Variants in NOS3 observed in about 807,000 individuals in gnomAD.
The protein encoded by NOS3 is nitric oxide synthase 3.
Under a neutral mutation model 144.9 loss-of-function variants are expected in NOS3, and 98 were observed. The observed-to-expected ratio is 0.68, with a 90% CI of 0.57 to 0.80. The LOEUF (loss-of-function observed/expected upper bound fraction) is 0.80. Among genes scored for constraint, NOS3 ranks in the 30% least tolerant of loss-of-function variants. The pLI is 0.00. For missense variants in NOS3, 1,465 were observed against 1,656.4 expected (o/e 0.88, Z 2.01); for synonymous variants, 714 against 702.4 (o/e 1.02, Z -0.26).
chr7:151,006,636 C>T, intron 15 of NOS3, 142 bp downstream of exon 15: 1 of 763,378 alleles, frequency 1.3e-6, no homozygotes, highest in Non-Finnish European at 2.2e-6. Context: ...CCCTCCATTC[C>T]AGGCTGCAAT....
At position 151,001,690 on chromosome 7, in the gene NOS3, A is replaced by C. The variant is rs567038837; in HGVS notation, c.1502+73A>C. 2.1e-3 allele frequency: 3,302 copies of C among 1,570,892 alleles called. 35 individuals are homozygous for C. Among genetic ancestry groups the C allele is most frequent in the Middle Eastern group, 0.013 (74 of 5,902 alleles). On this transcript the variant is annotated intron_variant, in intron 12 of 26. Transcript: ENST00000297494. ...CACTCTCCCCCACACACCCTGGGGGACCCTGCCCCAGCAGTGTTCTGGGCC... is the reference window on the plus strand; with the variant it reads ...CACTCTCCCCCACACACCCTGGGGGCCCCTGCCCCAGCAGTGTTCTGGGCC...
rs572649815 is a variant in NOS3, at chr7:150,995,299, C to T, written c.255C>T (p.Ser85=). The T allele has an allele frequency of 4.1e-5, 66 of 1,610,226 alleles. No individual in the cohort carries two copies. In the Admixed American group the frequency reaches 4.3e-4, roughly 11 times the overall value. Reference sequence around the variant, plus strand: ...GGAGCATCACCTATGACACCCTCAGCGCCCAGGCGCAGCAGGTAAGGCCGG... The same window carrying T: ...GGAGCATCACCTATGACACCCTCAGTGCCCAGGCGCAGCAGGTAAGGCCGG... ...EVGSITYDTL[S]AQAQQDGPCT... is the part of the protein sequence containing the mutation. Residue 85 remains serine (S), a synonymous_variant, in exon 3 of 27, where the codon AGC becomes AGT. Coordinates refer to ENST00000297494, the MANE Select transcript of NOS3 (RefSeq NM_000603.5).
In NOS3 at chr7:150,998,431, C is replaced by T. The variant is rs1470904797; in HGVS notation, c.657C>T (p.Thr219=). The T allele has an allele frequency of 6.2e-7, 1 of 1,612,454 alleles. No individual in the cohort carries two copies. Among genetic ancestry groups the T allele is most frequent in the African/African-American group, 1.3e-5 (1 of 75,050 alleles). The change falls in exon 6 of 27, where the codon ACC becomes ACT. Residue 219 remains threonine (T), a synonymous_variant. Coordinates refer to ENST00000297494, the MANE Select transcript of NOS3 (RefSeq NM_000603.5). The surrounding 1 kb of genome is among the most constrained non-coding windows in gnomAD (Gnocchi z 5.0). ...TCTGCAACCACATCAAGTATGCCAC[C>T]AACCGGGGCAACCTTCGGTGAGTGC... ...TYICNHIKYA[T]NRGNLRSAIT... is the part of the protein sequence containing the mutation.
At position 151,013,729 on chromosome 7, in the gene NOS3, C is replaced by T. The variant is rs138104564; in HGVS notation, c.3261C>T (p.Tyr1087=). The change falls in exon 26 of 27, where the codon TAC becomes TAT. Residue 1087 remains tyrosine, a synonymous_variant. Transcript: ENST00000297494. ...CTAACCCCGCCGCCCCGCAGACCTACGTGCAGGACATCCTGAGGACGGAGC... is the reference window on the plus strand; with the variant it reads ...CTAACCCCGCCGCCCCGCAGACCTATGTGCAGGACATCCTGAGGACGGAGC... ...FSREPDNPKT[Y]VQDILRTELA... The T allele has an allele frequency of 6.9e-5, 110 of 1,603,036 alleles. No individual in the cohort carries two copies. The East Asian group carries it at 7.4e-4, about 11-fold the overall frequency.
intron 9 of NOS3, among the ~76,000 whole-genome samples, chr7:150,999,838 GGTGA>G (rs1432441009): frequency 6.5e-5 from 9 of 138,374 alleles, no homozygotes; most frequent in Admixed American, 1.4e-4. Context: ...GGTGTGTAGG[GGTGA>G]GTGTGTGTGA....
chr7:151,006,234 T>C (rs911476975), intron 14 of NOS3, among the ~76,000 whole-genome samples, 193 bp from the exon 15 acceptor site: 1 of 152,212 alleles, frequency 6.6e-6, no homozygotes, highest in East Asian at 1.9e-4. Flanking sequence ...GATGGGGTGG[T>C]CTTTGTCTTA....
At chr7:151,010,427 G>T (rs34919745) in intron 21 of NOS3, 140 bp downstream of exon 21, 1 of 1,045,452 alleles carries the variant, frequency 9.6e-7, no homozygotes, top group Non-Finnish European at 1.4e-6. Context: ...TTAAGACCCA[G>T]CTCCTCAGGG....
Position 151,002,274 on chromosome 7 carries a change from T to C in NOS3, c.1722T>C (p.Phe574=). 2 of 1,598,054 alleles carry C rather than the reference T, an allele frequency of 1.3e-6. No homozygotes were observed. Residue 574 remains phenylalanine (F), a synonymous_variant, in exon 14 of 27, where the codon TTT becomes TTC. Coordinates refer to ENST00000297494, the MANE Select transcript of NOS3 (RefSeq NM_000603.5). This position sits in a 1 kb window ranked among gnomAD's most constrained non-coding sequence, Gnocchi z 4.1. The part of the protein sequence containing the change: ...ETLVLVVTST[F]GNGDPPENGE... ...TGGTGCTGGTGGTAACCAGCACATT[T>C]GGGAATGGGGATCCCCCGGAGAATG... is the stretch of plus-strand genomic sequence containing the variant.
At position 150,998,529 on chromosome 7, in the gene NOS3, T is replaced by C. The variant is rs1802487420; in HGVS notation, c.675-10T>C. On this transcript the variant is annotated splice_polypyrimidine_tract_variant and intron_variant, in intron 6 of 26. Transcript: ENST00000297494. This position sits in a 1 kb window ranked among gnomAD's most constrained non-coding sequence, Gnocchi z 5.0. ...GGGGCTCTGACCAGCTCTTTCCCCATGCGTGCCAGCTCGGCCATCACAGTG... is the reference window on the plus strand; with the variant it reads ...GGGGCTCTGACCAGCTCTTTCCCCACGCGTGCCAGCTCGGCCATCACAGTG... 2.5e-6 allele frequency: 4 copies of C among 1,610,832 alleles called. No individual in the cohort carries two copies. Among genetic ancestry groups the C allele is most frequent in the Middle Eastern group, 1.6e-4 (1 of 6,080 alleles).
chr7:151,002,073 AC>A lies in NOS3; in HGVS notation c.1647+111del. The A allele has an allele frequency of 6.8e-7, 1 of 1,473,476 alleles. No homozygotes were observed. The highest frequency in any genetic ancestry group is 1.2e-5 in the South Asian group (1 of 82,128). The allele number at this position is 1,473,476 out of a possible 1,614,324, so 91.3% of individuals were successfully genotyped here. A position where few individuals can be genotyped will look rare whatever the true frequency, so the allele number is the denominator to read the frequency against. ...TGTTACAAGTCAGGACTCATGAGGA[AC>A]CCGGAACCACAGGTGTTCAGAGATC... On this transcript the variant is annotated intron_variant, in intron 13 of 26. Coordinates refer to ENST00000297494, the MANE Select transcript of NOS3 (RefSeq NM_000603.5). The surrounding 1 kb of genome is among the most constrained non-coding windows in gnomAD (Gnocchi z 4.1).
Position 151,010,168 on chromosome 7 carries a change from C to G in NOS3, c.2566C>G (p.Arg856Gly), listed in dbSNP as rs376431860. 3.1e-6 allele frequency: 5 copies of G among 1,610,870 alleles called. No homozygotes were observed. Among genetic ancestry groups the G allele is most frequent in the Non-Finnish European group, 3.4e-6 (4 of 1,179,076 alleles). Residue 856 changes from arginine to glycine, a missense_variant, in exon 21 of 27, where the codon CGC becomes GGC. Arg to Gly is a moderately radical substitution (Grantham distance 125). This residue lies in a region of NOS3 where 745 missense variants were observed against 853.9 expected (regional missense o/e 0.87). Coordinates refer to ENST00000297494, the MANE Select transcript of NOS3 (RefSeq NM_000603.5). ...CCCCCGGCTGCCCCCGTGCACGCTG[C>G]GCCAGGCTCTCACCTTCTTCCTGGA... Reference protein sequence around the residue: ...RDPRLPPCTLRQALTFFLDIT... With the variant: ...RDPRLPPCTLGQALTFFLDIT...
At chr7:150,991,638 T>G (rs1446846545) in intron 1 of NOS3, among the ~76,000 whole-genome samples, 3 of 151,980 alleles carry the variant, frequency 2.0e-5, no homozygotes, top group Non-Finnish European at 4.4e-5. Flanking sequence ...GGAGCCCAGA[T>G]GGGACTGGAA....
intron 18 of NOS3, 52 bp from the exon 19 acceptor site, chr7:151,009,137 C>T: frequency 3.1e-6 from 5 of 1,612,700 alleles, no homozygotes; most frequent in Non-Finnish European, 4.2e-6. Flanking sequence ...ACTCTGGGGC[C>T]AGGCCCTGCT....
chr7:150,999,347 C>T lies in NOS3; in HGVS notation c.1114C>T (p.Arg372Cys), dbSNP rs41508746. The T allele has an allele frequency of 1.0e-5, 16 of 1,586,214 alleles. No individual in the cohort carries two copies. Among genetic ancestry groups the T allele is most frequent in the African/African-American group, 2.7e-5 (2 of 74,070 alleles). Residue 372 changes from arginine to cysteine, a missense_variant, in exon 9 of 27, where the codon CGC becomes TGC. Around this residue, in one of 5 missense-constraint regions of NOS3, gnomAD observed 745 missense variants for 853.9 expected, o/e 0.87. Transcript: ENST00000297494. ...CACGAGGAACCTGTGTGACCCTCAC[C>T]GCTACAACATCCTGGAGGTGAGGTG... The part of the protein sequence containing the change: ...IGTRNLCDPH[R>C]YNILEDVAVC...
chr7:151,001,887 G>T lies in NOS3; in HGVS notation c.1569G>T (p.Leu523=). Residue 523 remains leucine (L), a synonymous_variant, in exon 13 of 27, where the codon CTG becomes CTT. Transcript: ENST00000297494. ...VMAKRVKATI[L]YGSETGRAQS... ...CGAAGCGAGTGAAGGCGACAATCCTGTATGGCTCCGAGACCGGCCGGGCCC... is the reference window on the plus strand; with the variant it reads ...CGAAGCGAGTGAAGGCGACAATCCTTTATGGCTCCGAGACCGGCCGGGCCC... The T allele has an allele frequency of 1.2e-6, 2 of 1,613,722 alleles. No homozygotes were observed. The highest frequency in any genetic ancestry group is 1.7e-6 in the Non-Finnish European group (2 of 1,180,028).
chr7:151,009,358 CT>C, intron 19 of NOS3, 39 bp from the exon 20 acceptor site: 1 of 1,006,400 alleles, frequency 9.9e-7, no homozygotes, highest in Non-Finnish European at 1.5e-6. Flanking sequence ...GCCCCCACCC[CT>C]CTCTGACTCC....
Position 151,012,376 on chromosome 7 carries a change from G to A in NOS3, c.3010G>A (p.Asp1004Asn), listed in dbSNP as rs769964091. ...GGCTCCCTCCTTCCGGCTGCCACCC[G>A]ATCCCAGCTTGCCCTGCATCCTGGT... ...RGAPSFRLPP[D>N]PSLPCILVGP... is the part of the protein sequence containing the mutation. The change falls in exon 24 of 27, where the codon GAT (aspartate) becomes AAT (asparagine). Residue 1004 changes from aspartate (D) to asparagine (N), a missense_variant. By Grantham distance (23) the Asp-to-Asn change is conservative (BLOSUM62 1). This residue lies in a region of NOS3 where 106 missense variants were observed against 167.7 expected (regional missense o/e 0.63). Coordinates refer to ENST00000297494, the MANE Select transcript of NOS3 (RefSeq NM_000603.5). 45 of 1,582,798 alleles carry A rather than the reference G, an allele frequency of 2.8e-5. No homozygotes were observed. The highest frequency in any genetic ancestry group is 1.7e-4 in the Middle Eastern group (1 of 6,010).
chr7:151,005,651 G>T (rs1758646798), intron 14 of NOS3, among the ~76,000 whole-genome samples: 1 of 152,228 alleles, frequency 6.6e-6, no homozygotes, highest in African/African-American at 2.4e-5. Flanking sequence ...GGATTACCCA[G>T]CTGAAGCATT....
rs1448665474 is a variant in NOS3 at position 150,996,943 on chromosome 7, CTG to C, written c.582+19_582+20del. The C allele has an allele frequency of 6.5e-7, 1 of 1,549,034 alleles. No homozygotes were observed. The highest frequency in any genetic ancestry group is 8.7e-7 in the Non-Finnish European group (1 of 1,147,208). On this transcript the variant is annotated intron_variant, in intron 5 of 26. Coordinates refer to ENST00000297494, the MANE Select transcript of NOS3 (RefSeq NM_000603.5). The stretch of plus-strand genomic sequence containing the variant: ...AGCTGCAGGTGCGGCTGGCCAGCGA[CTG>C]AGAGACCCGGGCGCTACCAAAAGGG...
Sources: allele counts gnomAD v4.1 joint callset (sites outside exome capture counted in the v4.1 genomes callset), GRCh38; gene constraint gnomAD v4.1.1; regional missense constraint gnomAD v4.1.1; non-coding constraint Gnocchi (gnomAD v3.1); transcripts MANE v1.5; gene names NCBI Gene and HGNC (gene_info 2026-07-23, HGNC 2026-07-21).